GABRG1: variants seen among roughly 807,000 people sequenced by gnomAD.
The protein encoded by GABRG1 is gamma-aminobutyric acid type A receptor subunit gamma1, also known as gamma-aminobutyric acid receptor subunit gamma-1.
A neutral mutation model predicts 49.8 loss-of-function variants in GABRG1; 49 were observed. The ratio of observed to expected loss-of-function variants is 0.98; its 90% confidence interval spans 0.78 to 1.25. The LOEUF (loss-of-function observed/expected upper bound fraction) is 1.25. Ranked by LOEUF, GABRG1 falls within the 50% of genes most tolerant of loss-of-function variation. GABRG1 has a pLI of 0.00. For missense variants in GABRG1, 552 were observed against 552.3 expected, an observed-to-expected ratio of 1.00 and a Z score of 0.01; for synonymous variants, 232 against 185.1, an observed-to-expected ratio of 1.25 and a Z score of -2.06.
At chr4:46,068,458 CT>C (rs1718996099) in intron 3 of GABRG1, among the ~76,000 whole-genome samples, 1 of 152,058 alleles carries the variant, frequency 6.6e-6, no homozygotes, top group African/African-American at 2.4e-5. Flanking sequence ...TTTAAAATCC[CT>C]GATTCTGGAA....
At chr4:46,105,235 A>G (rs1720494587) in intron 1 of GABRG1, among the ~76,000 whole-genome samples, 1 of 151,442 alleles carries the variant, frequency 6.6e-6, no homozygotes, top group East Asian at 2.0e-4. Flanking sequence ...CAGATGCACC[A>G]TTGGCAGAGG....
chr4:46,041,981 T>C (rs890056683), intron 8 of GABRG1, among the ~76,000 whole-genome samples: 6 of 152,060 alleles, frequency 3.9e-5, no homozygotes, highest in Non-Finnish European at 8.8e-5. Context: ...TTGTAACATG[T>C]TAAATTAAGT....
intron 1 of GABRG1, among the ~76,000 whole-genome samples, chr4:46,118,140 A>ATATATATATATATG (rs1466183263): frequency 2.1e-5 from 3 of 146,096 alleles, no homozygotes; most frequent in Non-Finnish European, 4.6e-5. Context: ...GTGTATATAT[A>ATATATATATATATG]TATATACAGC....
chr4:46,079,422 A>G (rs1719480353), intron 3 of GABRG1, among the ~76,000 whole-genome samples: 1 of 151,918 alleles, frequency 6.6e-6, no homozygotes, highest in East Asian at 1.9e-4. Context: ...GATTCTATCT[A>G]GTTTCAGAAG....
At chr4:46,123,123 C>CACACACAT (rs1264270685) in intron 1 of GABRG1, among the ~76,000 whole-genome samples, 3 of 151,118 alleles carry the variant, frequency 2.0e-5, no homozygotes, top group African/African-American at 7.3e-5. Context: ...CACACACACA[C>CACACACAT]ACACACACAC....
At position 46,119,443 on chromosome 4, in the gene GABRG1, A is replaced by T. The variant is rs186500380; in HGVS notation, c.104+4367T>A. On this transcript the variant is annotated intron_variant, in intron 1 of 8. Transcript: ENST00000295452. ...GGTTTCAGCACCTATCAGCAAGATG[A>T]CCTTTAATAAGTTCACAAAAATGTT... Among the ~76,000 whole-genome samples the T allele has an allele frequency of 2.0e-5, 3 of 151,650 alleles. No homozygotes were observed. In the East Asian group the frequency reaches 5.8e-4, roughly 29 times the overall value.
At chr4:46,119,124 C>A (rs547879680) in intron 1 of GABRG1, among the ~76,000 whole-genome samples, 1 of 150,544 alleles carries the variant, frequency 6.6e-6, no homozygotes, top group South Asian at 2.1e-4. Flanking sequence ...TGTTTGTCTG[C>A]GTCAAGTACT....
In GABRG1 at chr4:46,049,469, G is replaced by A. The variant is rs562154595; in HGVS notation, c.1131+1955C>T. ...GAGACTATCAAACTTCATTATGAATGGCAGTAAAGAAAATATTTTTGGTAC... is the reference window on the plus strand; with the variant it reads ...GAGACTATCAAACTTCATTATGAATAGCAGTAAAGAAAATATTTTTGGTAC... On this transcript the variant is annotated intron_variant, in intron 8 of 8. Transcript: ENST00000295452. Among the ~76,000 whole-genome samples the A allele has an allele frequency of 2.0e-5, 3 of 151,842 alleles. No homozygotes were observed. In the South Asian group the frequency reaches 6.2e-4, roughly 32 times the overall value.
intron 1 of GABRG1, among the ~76,000 whole-genome samples, chr4:46,099,413 C>G (rs1341535347): frequency 1.3e-5 from 2 of 151,832 alleles, no homozygotes; most frequent in Admixed American, 1.3e-4. Flanking sequence ...AGAGCCACAG[C>G]TGAACTACAA....
At chr4:46,101,483 C>T (rs566496851) in intron 1 of GABRG1, among the ~76,000 whole-genome samples, 10 of 151,688 alleles carry the variant, frequency 6.6e-5, no homozygotes, top group Non-Finnish European at 1.2e-4. Context: ...CTCAAGGAGT[C>T]GCACACTATA....
chr4:46,075,387 G>A (rs1348265153), intron 3 of GABRG1, among the ~76,000 whole-genome samples: 2 of 151,792 alleles, frequency 1.3e-5, no homozygotes, highest in Non-Finnish European at 2.9e-5. Context: ...TTAGAGGCAA[G>A]AGCTCACTGT....
chr4:46,088,738 T>TACACACACAC (rs3069480), intron 2 of GABRG1, among the ~76,000 whole-genome samples: 21 of 142,888 alleles, frequency 1.5e-4, no homozygotes, highest in African/African-American at 4.6e-4. Flanking sequence ...CACTATAAAA[T>TACACACACAC]ACACACACAC....
rs989928187 is a variant in GABRG1, at chr4:46,058,108, G to A, written c.916+109C>T. The A allele has an allele frequency of 2.9e-6, 3 of 1,027,820 alleles. No individual in the cohort carries two copies. In the African/African-American group the frequency reaches 4.9e-5, roughly 17 times the overall value. The allele number at this position is 1,027,820 out of a possible 1,614,324, so 63.7% of individuals were successfully genotyped here. On this transcript the variant is annotated intron_variant, in intron 7 of 8. Transcript: ENST00000295452. ...CTTAGTTCCTGTCAATTTTTTTCCT[G>A]ACTGTAGTCTAGAAGAATATATCTA...
At chr4:46,095,030 A>G (rs1720121213) in intron 2 of GABRG1, among the ~76,000 whole-genome samples, 1 of 151,900 alleles carries the variant, frequency 6.6e-6, no homozygotes, top group African/African-American at 2.4e-5. Flanking sequence ...TAATTCAGAA[A>G]CTAAGCAAGA....
At chr4:46,109,179 T>C (rs970513230) in intron 1 of GABRG1, among the ~76,000 whole-genome samples, 3 of 150,920 alleles carry the variant, frequency 2.0e-5, no homozygotes, top group African/African-American at 7.3e-5. Context: ...TTTTTTTTAA[T>C]ACTGATTCAA....
At chr4:46,050,344 T>C (rs1437965310) in intron 8 of GABRG1, among the ~76,000 whole-genome samples, 2 of 151,666 alleles carry the variant, frequency 1.3e-5, no homozygotes, top group African/African-American at 4.8e-5. Flanking sequence ...GAATATAACA[T>C]GAAAAGTAAA....
At chr4:46,121,580 G>A (rs1161214495) in intron 1 of GABRG1, among the ~76,000 whole-genome samples, 1 of 143,416 alleles carries the variant, frequency 7.0e-6, no homozygotes, top group African/African-American at 2.9e-5. Context: ...GCCTACAAAA[G>A]TGTTTCTGTG....
At chr4:46,041,334 C>T (rs1016211747) in intron 8 of GABRG1, 80 bp from the exon 9 acceptor site, 8 of 1,251,128 alleles carry the variant, frequency 6.4e-6, no homozygotes, top group Non-Finnish European at 5.6e-6. Flanking sequence ...AACGCAAACT[C>T]TAGGAGACTG....
At chr4:46,049,507 T>A (rs1456472057) in intron 8 of GABRG1, among the ~76,000 whole-genome samples, 5 of 151,928 alleles carry the variant, frequency 3.3e-5, no homozygotes, top group Admixed American at 2.6e-4. Context: ...AAGTAGTCAA[T>A]TATAATATGT....
Sources: allele counts gnomAD v4.1 joint callset (sites outside exome capture counted in the v4.1 genomes callset), GRCh38; gene constraint gnomAD v4.1.1; transcripts MANE v1.5; gene names NCBI Gene and HGNC (gene_info 2026-07-23, HGNC 2026-07-21).